CDH17: variants seen among roughly 807,000 people sequenced by gnomAD.
CDH17 encodes cadherin-17.
CDH17 carries 67 observed loss-of-function variants against 86.3 expected under a neutral mutation model. The ratio of observed to expected loss-of-function variants is 0.78; its 90% CI spans 0.64 to 0.95. The LOEUF is 0.95. Ranked by LOEUF, CDH17 falls within the 40% of genes least tolerant of loss-of-function variation. The probability of loss-of-function intolerance (pLI) is 0.00; values close to 1 mark genes in which losing one functional copy is unlikely to be tolerated. For missense variants in CDH17, 993 were observed against 1,017.6 expected, an observed-to-expected ratio of 0.98 and a Z score of 0.33; for synonymous variants, 367 against 366.4, an observed-to-expected ratio of 1.00 and a Z score of -0.02.
At chr8:94,154,220 A>G (rs2130608094) in intron 12 of CDH17, among the ~76,000 whole-genome samples, 1 of 152,306 alleles carries the variant, frequency 6.6e-6, no homozygotes, top group East Asian at 1.9e-4. Flanking sequence ...TCTCAGAATG[A>G]TTACAGAGCC....
rs1318631772 is a variant in CDH17 at position 94,199,067 on chromosome 8, ATATATATATATATATAT to A, written c.-20-4379_-20-4363del. 4.7e-3 allele frequency among the ~76,000 whole-genome samples: 178 copies of A among 38,268 alleles called. 3 individuals carry two copies. The highest frequency in any genetic ancestry group is 0.017 in the Admixed American group (74 of 4,274). 25.1% of individuals were successfully genotyped at this position (38,268 alleles called of 152,430 possible). A position where few individuals can be genotyped will look rare whatever the true frequency, so the allele number is the denominator to read the frequency against. On this transcript the variant is annotated intron_variant, in intron 1 of 17. Transcript: ENST00000027335. ...TATATATATATATATATATATATAT[ATATATATATATATATAT>A]TTTTTTTTTTTTATCATTTGTCTGT... is the stretch of plus-strand genomic sequence containing the variant.
chr8:94,158,317 T>C (rs1812983603), intron 12 of CDH17, among the ~76,000 whole-genome samples: 1 of 152,066 alleles, frequency 6.6e-6, no homozygotes, highest in South Asian at 2.1e-4. Context: ...GTAGCATACC[T>C]CTCGTGTCAA....
intron 12 of CDH17, among the ~76,000 whole-genome samples, chr8:94,153,669 C>T (rs781472036): frequency 5.5e-4 from 84 of 152,266 alleles, no homozygotes; most frequent in Non-Finnish European, 8.2e-4. Context: ...TACATACACA[C>T]GCACACACAT....
rs370315957 is a variant in CDH17, at chr8:94,191,046, C to T, written c.52-1761G>A. ...CCACAGAGACCGGTAAACCAAGTTC[C>T]CTTTCCCAGGCTCACTTGCAGCTAG... On this transcript the variant is annotated intron_variant, in intron 2 of 17. Coordinates refer to ENST00000027335, the MANE Select transcript of CDH17 (RefSeq NM_004063.4). Among the ~76,000 whole-genome samples the T allele has an allele frequency of 3.3e-4, 51 of 152,268 alleles. No individual in the cohort carries two copies. The East Asian group carries it at 9.8e-3, about 29-fold the overall frequency.
At chr8:94,130,490 G>C in intron 17 of CDH17, 136 bp downstream of exon 17, 1 of 597,026 alleles carries the variant, frequency 1.7e-6, no homozygotes, top group Non-Finnish European at 3.0e-6. Context: ...TAATTTGCTG[G>C]TGATCTACCT....
At chr8:94,211,610 G>C (rs558674106), upstream of CDH17, among the ~76,000 whole-genome samples, 210 of 152,300 alleles carry the variant, frequency 1.4e-3, no homozygotes, top group African/African-American at 4.7e-3. Context: ...ACTGCTCCTG[G>C]CCTATTTTTA....
intron 15 of CDH17, among the ~76,000 whole-genome samples, chr8:94,135,606 C>T (rs1247002497): frequency 1.3e-5 from 2 of 152,118 alleles, no homozygotes; most frequent in African/African-American, 2.4e-5. Context: ...ACTCTTTATC[C>T]AATTTGCCAG....
chr8:94,165,351 C>T (rs1813131492), intron 10 of CDH17, among the ~76,000 whole-genome samples: 1 of 152,198 alleles, frequency 6.6e-6, no homozygotes, highest in African/African-American at 2.4e-5. Context: ...AAGCTTTCCT[C>T]AGACTGTCCT....
In CDH17 at chr8:94,170,529, C is replaced by CA. The variant is rs777394209; in HGVS notation, c.933dup (p.Ala312CysfsTer4). On this transcript the variant is annotated frameshift_variant, in exon 9 of 18. Transcript: ENST00000027335. LOFTEE classifies it high-confidence loss of function. Reference sequence around the variant, plus strand: ...AGTGGTTTTCCGTACTCATCCTTTGCAACTGCATAAAAAACATACTACAAC... The same window carrying CA: ...AGTGGTTTTCCGTACTCATCCTTTGCAAACTGCATAAAAAACATACTACAAC... 1 of 1,613,710 alleles carries CA rather than the reference C, an allele frequency of 6.2e-7. No individual in the cohort carries two copies. The highest frequency in any genetic ancestry group is 2.2e-5 in the East Asian group (1 of 44,830).
intron 13 of CDH17, among the ~76,000 whole-genome samples, chr8:94,151,468 T>G (rs1006346787): frequency 1.3e-5 from 2 of 152,170 alleles, no homozygotes; most frequent in East Asian, 3.9e-4. Context: ...CAATTGGGCT[T>G]TGGTCTCTGT....
intron 9 of CDH17, among the ~76,000 whole-genome samples, chr8:94,168,136 A>ACG (rs1813197758): frequency 5.7e-5 from 3 of 52,536 alleles, no homozygotes; most frequent in African/African-American, 1.8e-4. Context: ...ATATATATAT[A>ACG]TATATATATA....
At chr8:94,181,686 G>C (rs1468962164) in intron 3 of CDH17, among the ~76,000 whole-genome samples, 1 of 149,682 alleles carries the variant, frequency 6.7e-6, no homozygotes, top group Non-Finnish European at 1.5e-5. Context: ...TTACAAAGAT[G>C]AAATATCCCA....
chr8:94,129,222 C>T (rs996008977), intron 17 of CDH17, among the ~76,000 whole-genome samples: 1 of 152,102 alleles, frequency 6.6e-6, no homozygotes, highest in Non-Finnish European at 1.5e-5. Flanking sequence ...ATTCAAAAAT[C>T]CTTTCAAGGT....
At chr8:94,173,696 G>A in intron 7 of CDH17, 101 bp downstream of exon 7, 1 of 860,610 alleles carries the variant, frequency 1.2e-6, no homozygotes, top group South Asian at 1.5e-5. Context: ...TATGAAAAAG[G>A]TATCTAATAA....
At position 94,205,124 on chromosome 8, in the gene CDH17, G is replaced by T. The variant is rs375895127; in HGVS notation, c.-21+3359C>A. On this transcript the variant is annotated intron_variant, in intron 1 of 17. Coordinates refer to ENST00000027335, the MANE Select transcript of CDH17 (RefSeq NM_004063.4). The stretch of plus-strand genomic sequence containing the variant: ...GAATTTCAGCATTGACTTCCCTCAC[G>T]TGTGCAGCTATATACCCGCAAAAAC... 5.9e-4 allele frequency among the ~76,000 whole-genome samples: 90 copies of T among 152,206 alleles called. 3 individuals are homozygous for T. The South Asian group carries it at 0.017, about 28-fold the overall frequency.
chr8:94,154,842 A>C (rs981358403), intron 12 of CDH17, among the ~76,000 whole-genome samples: 1 of 152,158 alleles, frequency 6.6e-6, no homozygotes, highest in African/African-American at 2.4e-5. Flanking sequence ...CCTGACACAT[A>C]GTGCCCACAG....
chr8:94,212,112 T>A (rs1814129981), upstream of CDH17, among the ~76,000 whole-genome samples: 1 of 152,186 alleles, frequency 6.6e-6, no homozygotes, highest in African/African-American at 2.4e-5. Flanking sequence ...CAGAGTCCAT[T>A]TTCTGATAAA....
At chr8:94,148,904 C>T in intron 13 of CDH17, 30 bp from the exon 14 acceptor site, 1 of 1,580,790 alleles carries the variant, frequency 6.3e-7, no homozygotes, top group South Asian at 1.2e-5. Context: ...CAAAAGAAAG[C>T]CTGCATTACT....
chr8:94,162,178 A>T lies in CDH17; in HGVS notation c.1283-16T>A. 4 of 1,532,758 alleles carry T rather than the reference A, an allele frequency of 2.6e-6. No homozygotes were observed. The highest frequency in any genetic ancestry group is 3.6e-6 in the Non-Finnish European group (4 of 1,109,554). The allele number at this position is 1,532,758 out of a possible 1,614,324, so 94.9% of individuals were successfully genotyped here. ...GTCTTGAAATCTGAAAACCAAAGTC[A>T]TATGTCATAGAAATTTTCACTGAAA... On this transcript the variant is annotated splice_polypyrimidine_tract_variant and intron_variant, in intron 10 of 17. Transcript: ENST00000027335.
Sources: gnomAD v4.1 joint callset for allele counts (sites outside exome capture counted in the v4.1 genomes callset) on GRCh38, gnomAD v4.1.1 for gene constraint, MANE v1.5 for transcripts, NCBI Gene and HGNC (gene_info 2026-07-23, HGNC 2026-07-21) for gene names.